The following AACS variants were observed in gnomAD, a reference collection of about 807,000 sequenced individuals.
AACS encodes acetoacetyl-CoA synthetase.
AACS carries 69 observed loss-of-function variants against 83.1 expected under a neutral mutation model. The observed-to-expected ratio is 0.83, with a 90% CI of 0.68 to 1.01. The LOEUF (loss-of-function observed/expected upper bound fraction) is 1.01. Ranked by LOEUF, AACS falls within the 50% of genes least tolerant of loss-of-function variation. The pLI is 0.00. For missense variants in AACS, 866 were observed against 882.2 expected (o/e 0.98, Z 0.23); for synonymous variants, 333 against 343.4 (o/e 0.97, Z 0.33).
chr12:125,094,578 T>C lies in AACS; in HGVS notation c.570+3055T>C, dbSNP rs768713139. Among the ~76,000 whole-genome samples the C allele has an allele frequency of 6.6e-6, 1 of 152,080 alleles. No individual in the cohort carries two copies. Among genetic ancestry groups the C allele is most frequent in the African/African-American group, 2.4e-5 (1 of 41,402 alleles). ...CCAGGGAGTGCTGGGGCATCCGTCT[T>C]TACTCGATGACACTGGGGGAACGCG... On this transcript the variant is annotated intron_variant, in intron 5 of 17. Transcript: ENST00000316519. This position sits in a 1 kb window ranked among gnomAD's most constrained non-coding sequence, Gnocchi z 4.1.
intron 8 of AACS, among the ~76,000 whole-genome samples, chr12:125,110,113 G>A (rs1956920851): frequency 6.6e-6 from 1 of 151,182 alleles, no homozygotes; most frequent in Non-Finnish European, 1.5e-5. Context: ...TCTGCCTCCC[G>A]GGTTCAAGCG....
intron 5 of AACS, among the ~76,000 whole-genome samples, chr12:125,099,488 C>T (rs931990375): frequency 2.0e-5 from 3 of 152,114 alleles, no homozygotes; most frequent in African/African-American, 4.8e-5. Flanking sequence ...ATCTTTTATT[C>T]TGTAGTCAAG....
chr12:125,116,630 A>AT (rs991426495), intron 9 of AACS, among the ~76,000 whole-genome samples: 11 of 151,362 alleles, frequency 7.3e-5, no homozygotes, highest in African/African-American at 2.4e-4. Flanking sequence ...CGCCTGGCTA[A>AT]TTTTTTTTGT....
Position 125,073,905 on chromosome 12 carries a change from G to T in AACS, c.163G>T (p.Val55Phe). 4 of 1,613,920 alleles carry T rather than the reference G, an allele frequency of 2.5e-6. No homozygotes were observed. Among genetic ancestry groups the T allele is most frequent in the South Asian group, 1.1e-5 (1 of 91,056 alleles). The change falls in exon 2 of 18, where the codon GTT (valine) becomes TTT (phenylalanine). Residue 55 changes from valine (V) to phenylalanine (F), a missense_variant. Coordinates refer to ENST00000316519, the MANE Select transcript of AACS (RefSeq NM_023928.5). ...TTATGATGACTTGTACCATTGGTCC[G>T]TTGAGTCATATTCAGACTTCTGGGC... ...ESYDDLYHWS[V>F]ESYSDFWAEF...
intron 5 of AACS, among the ~76,000 whole-genome samples, chr12:125,096,640 G>C (rs1956614495): frequency 6.6e-6 from 1 of 152,212 alleles, no homozygotes; most frequent in African/African-American, 2.4e-5. Context: ...CTTAGAGTAG[G>C]TTGAATGTGT....
intron 3 of AACS, among the ~76,000 whole-genome samples, chr12:125,079,329 G>A (rs1594580109): frequency 6.6e-6 from 1 of 152,196 alleles, no homozygotes; most frequent in Admixed American, 6.5e-5. Flanking sequence ...AACGGGAAGG[G>A]ATTGCATCAT....
chr12:125,142,713 C>CA lies in AACS; in HGVS notation c.*485dup, dbSNP rs1957520160. On this transcript the variant is annotated 3_prime_UTR_variant, in exon 18 of 18. Transcript: ENST00000316519. ...TTAGAAAGGAACCCCCGTGACTTGA[C>CA]ACAGCTTTCACAGCTGGCTGCTAGG... is the stretch of plus-strand genomic sequence containing the variant. 1 of 154,008 alleles carries CA rather than the reference C, an allele frequency of 6.5e-6. No individual in the cohort carries two copies. 9.5% of individuals were successfully genotyped at this position (154,008 alleles called of 1,614,324 possible).
intron 5 of AACS, among the ~76,000 whole-genome samples, chr12:125,096,034 G>A (rs1413459844): frequency 3.3e-5 from 5 of 152,160 alleles, no homozygotes; most frequent in African/African-American, 7.2e-5. Context: ...GCGCGATCTC[G>A]GCTCACTGCA....
At chr12:125,067,271 A>G (rs1955727519) in intron 1 of AACS, among the ~76,000 whole-genome samples, 1 of 152,094 alleles carries the variant, frequency 6.6e-6, no homozygotes, top group Non-Finnish European at 1.5e-5. Context: ...TCTGGACAGC[A>G]GTTGGTAAAT....
At chr12:125,101,245 C>G (rs1290138325) in intron 5 of AACS, 3 of 152,216 alleles carry the variant, frequency 2.0e-5, no homozygotes, top group Non-Finnish European at 4.4e-5. Context: ...ATAATCTGGA[C>G]TAACACTCAG....
intron 15 of AACS, among the ~76,000 whole-genome samples, chr12:125,134,430 C>A (rs2136138658): frequency 6.6e-6 from 1 of 152,308 alleles, no homozygotes. Flanking sequence ...CAGCTTCCTT[C>A]CCGAGGGATG....
Position 125,107,150 on chromosome 12 carries a change from G to A in AACS, c.797G>A (p.Gly266Asp), listed in dbSNP as rs944530221. ...SVFLDDFLAT[G>D]TSEQAPQLEF... is the part of the protein sequence containing the mutation. The stretch of plus-strand genomic sequence containing the variant: ...TTTCTGGATGACTTTCTTGCCACCG[G>A]CACCAGTGAGCAGGCCCCGCAGCTG... Residue 266 changes from glycine (G) to aspartate (D), a missense_variant, in exon 8 of 18, where the codon GGC (glycine) becomes GAC (aspartate). Coordinates refer to ENST00000316519, the MANE Select transcript of AACS (RefSeq NM_023928.5). 2 of 1,614,026 alleles carry A rather than the reference G, an allele frequency of 1.2e-6. No individual in the cohort carries two copies. Among genetic ancestry groups the A allele is most frequent in the African/African-American group, 2.7e-5 (2 of 74,912 alleles).
rs1354932237 is a variant in AACS at position 125,065,673 on chromosome 12, AC to A, written c.91del (p.Arg31AlafsTer97). 2.9e-5 allele frequency: 45 copies of A among 1,545,548 alleles called. No homozygotes were observed. Among genetic ancestry groups the A allele is most frequent in the Non-Finnish European group, 3.7e-5 (42 of 1,144,684 alleles). On this transcript the variant is annotated frameshift_variant, in exon 1 of 18. Coordinates refer to ENST00000316519, the MANE Select transcript of AACS (RefSeq NM_023928.5). LOFTEE classifies it high-confidence loss of function. ...GACAGTAAGAAGAACACGCAGATGGACCGCTTCCGGGCGGCTGTGGGCGCCG... is the reference window on the plus strand; with the variant it reads ...GACAGTAAGAAGAACACGCAGATGGACGCTTCCGGGCGGCTGTGGGCGCCG... Reference protein sequence around the residue: ...EPDSKKNTQMDRFRAAVGAAC... With the variant: ...EPDSKKNTQMXRFRAAVGAAC...
chr12:125,066,387 A>G (rs1386461768), intron 1 of AACS, among the ~76,000 whole-genome samples: 1 of 150,690 alleles, frequency 6.6e-6, no homozygotes, highest in Non-Finnish European at 1.5e-5. Context: ...CCTGAGCTCT[A>G]GCTGGCTTGC....
At chr12:125,112,560 G>A (rs1004020503) in intron 8 of AACS, among the ~76,000 whole-genome samples, 12 of 151,550 alleles carry the variant, frequency 7.9e-5, no homozygotes, top group South Asian at 6.3e-4. Flanking sequence ...TGTGCCTGTA[G>A]TCCCAGCTAC....
intron 2 of AACS, among the ~76,000 whole-genome samples, chr12:125,075,679 C>T (rs543808615): frequency 2.2e-4 from 33 of 151,628 alleles, no homozygotes; most frequent in African/African-American, 5.3e-4. Flanking sequence ...CTGCAAGCTC[C>T]GCCTCCTGGG....
intron 1 of AACS, 77 bp downstream of exon 1, chr12:125,065,794 G>GC: frequency 7.1e-7 from 1 of 1,413,012 alleles, no homozygotes; most frequent in Non-Finnish European, 9.2e-7. Context: ...TCTCCCCATG[G>GC]CTAGTTTCAC....
intron 16 of AACS, 44 bp downstream of exon 16, chr12:125,134,896 G>T (rs1384224011): frequency 6.2e-7 from 1 of 1,612,142 alleles, no homozygotes; most frequent in South Asian, 1.1e-5. Context: ...CTCCAGGAAG[G>T]AGGAGGGTCC....
intron 6 of AACS, 80 bp downstream of exon 6, chr12:125,102,873 G>T: frequency 6.9e-7 from 1 of 1,458,244 alleles, no homozygotes; most frequent in Non-Finnish European, 9.6e-7. Context: ...AGTCAATCTG[G>T]GTAGTCTCTG....
Sources: allele counts gnomAD v4.1 joint callset (sites outside exome capture counted in the v4.1 genomes callset), GRCh38; gene constraint gnomAD v4.1.1; non-coding constraint Gnocchi (gnomAD v3.1); transcripts MANE v1.5; gene names NCBI Gene and HGNC (gene_info 2026-07-23, HGNC 2026-07-21).